Variants in CDYL2 observed in about 807,000 individuals in gnomAD.
CDYL2 encodes the protein chromodomain Y like 2, also known as chromodomain Y-like protein 2.
CDYL2 carries 23 observed loss-of-function variants against 49.4 expected under a neutral mutation model. The ratio of observed to expected loss-of-function variants is 0.47; its 90% confidence interval spans 0.34 to 0.66. The LOEUF (loss-of-function observed/expected upper bound fraction) is 0.66. CDYL2 is among the 30% of genes least tolerant of loss of function. CDYL2 has a pLI of 0.01. For synonymous variants in CDYL2, 360 were observed against 268.8 expected, an observed-to-expected ratio of 1.34 and a Z score of -3.32; for missense variants, 678 against 656.4, an observed-to-expected ratio of 1.03 and a Z score of -0.36.
At chr16:80,614,004 A>G (rs761805809) in intron 4 of CDYL2, among the ~76,000 whole-genome samples, 4 of 151,820 alleles carry the variant, frequency 2.6e-5, no homozygotes, top group Non-Finnish European at 4.4e-5. Context: ...AGAATTTGCA[A>G]TCACCCTAAC....
At chr16:80,697,966 C>T (rs1192302613) in intron 1 of CDYL2, among the ~76,000 whole-genome samples, 1 of 152,060 alleles carries the variant, frequency 6.6e-6, no homozygotes, top group Non-Finnish European at 1.5e-5. Flanking sequence ...AATGGCCATA[C>T]TAGCCGAAAT....
At position 80,804,373 on chromosome 16, in the gene CDYL2, GGGC is replaced by G; in HGVS notation, c.-203_-201del. The G allele has an allele frequency of 4.5e-6, 1 of 222,288 alleles. No homozygotes were observed. The allele number at this position is 222,288 out of a possible 1,614,324, so 13.8% of individuals were successfully genotyped here. On this transcript the variant is annotated 5_prime_UTR_variant, in exon 1 of 7. Coordinates refer to ENST00000570137, the MANE Select transcript of CDYL2 (RefSeq NM_152342.4). The stretch of plus-strand genomic sequence containing the variant: ...CGCAGAATCAGAGCGGGCGGCGGCG[GGGC>G]TGGCGTAACCGGCAGCAGCGGCGGC...
rs182180603 is a variant in CDYL2, at chr16:80,707,020, G to A, written c.25-21891C>T. On this transcript the variant is annotated intron_variant, in intron 1 of 6. Coordinates refer to ENST00000570137, the MANE Select transcript of CDYL2 (RefSeq NM_152342.4). ...GCCGTACAGATTGATGAAGGCATCA[G>A]AGGATGTCGCCTCAGAGCATGGGGG... Among the ~76,000 whole-genome samples the A allele has an allele frequency of 5.3e-5, 8 of 152,348 alleles. No homozygotes were observed. In the East Asian group the frequency reaches 1.5e-3, roughly 29 times the overall value.
At chr16:80,630,790 G>C (rs1907526446) in intron 3 of CDYL2, among the ~76,000 whole-genome samples, 1 of 152,058 alleles carries the variant, frequency 6.6e-6, no homozygotes, top group African/African-American at 2.4e-5. Context: ...CCCCGTAAAA[G>C]AACCAGGGTC....
intron 1 of CDYL2, among the ~76,000 whole-genome samples, chr16:80,724,291 A>C (rs921859001): frequency 6.6e-6 from 1 of 151,064 alleles, no homozygotes; most frequent in Non-Finnish European, 1.5e-5. Flanking sequence ...GGAAGAGGAA[A>C]GAAAGGAGAA....
chr16:80,625,590 T>C (rs1055832486), intron 3 of CDYL2, among the ~76,000 whole-genome samples: 2 of 152,178 alleles, frequency 1.3e-5, no homozygotes, highest in Non-Finnish European at 2.9e-5. Flanking sequence ...ACTTGAATAC[T>C]AAAATTTAAG....
In CDYL2 at chr16:80,645,378, GA is replaced by G. The variant is rs1259936388; in HGVS notation, c.617-12143del. 2.0e-5 allele frequency among the ~76,000 whole-genome samples: 3 copies of G among 152,266 alleles called. No individual in the cohort carries two copies. In the East Asian group the frequency reaches 5.8e-4, roughly 29 times the overall value. ...ACATTTATGCAGCCAAAAGACATAT[GA>G]AAAAATGCTCATCATCACTGGCCAT... On this transcript the variant is annotated intron_variant, in intron 2 of 6. Coordinates refer to ENST00000570137, the MANE Select transcript of CDYL2 (RefSeq NM_152342.4).
intron 2 of CDYL2, among the ~76,000 whole-genome samples, chr16:80,665,236 G>A (rs773803684): frequency 1.3e-5 from 2 of 151,996 alleles, no homozygotes; most frequent in Non-Finnish European, 2.9e-5. Context: ...CAAGCTCCAT[G>A]CATCCTTCAG....
intron 2 of CDYL2, among the ~76,000 whole-genome samples, chr16:80,668,326 G>C (rs1208143233): frequency 6.6e-6 from 1 of 152,052 alleles, no homozygotes; most frequent in Non-Finnish European, 1.5e-5. Context: ...ATAAATAATG[G>C]ATAAATGAAT....
chr16:80,637,717 T>C (rs1907902741), intron 2 of CDYL2, among the ~76,000 whole-genome samples: 1 of 152,122 alleles, frequency 6.6e-6, no homozygotes, highest in Non-Finnish European at 1.5e-5. Context: ...TTAACAATAA[T>C]TTATTGTATA....
intron 1 of CDYL2, among the ~76,000 whole-genome samples, chr16:80,789,341 G>T (rs1401299880): frequency 2.0e-5 from 3 of 152,140 alleles, no homozygotes; most frequent in Non-Finnish European, 4.4e-5. Context: ...GGTGGCTCAC[G>T]CCTGTAATCC....
At position 80,684,841 on chromosome 16, in the gene CDYL2, T is replaced by C. The variant is rs1230699147; in HGVS notation, c.313A>G (p.Lys105Glu). 1 of 1,614,174 alleles carries C rather than the reference T, an allele frequency of 6.2e-7. No homozygotes were observed. The highest frequency in any genetic ancestry group is 1.1e-5 in the South Asian group (1 of 91,076). ...AGGGGAGGGTTAATTCGCTTCCGTT[T>C]ATGGGAGGTCCCCTTGCTCTTTCCA... ...DPGKSKGTSH[K>E]RKRINPPLAK... Residue 105 changes from lysine to glutamate, a missense_variant, in exon 2 of 7, where the codon AAA becomes GAA. Transcript: ENST00000570137.
In CDYL2 at chr16:80,684,775, C is replaced by T. The variant is rs1027674208; in HGVS notation, c.379G>A (p.Gly127Arg). 6.2e-7 allele frequency: 1 copy of T among 1,614,236 alleles called. No individual in the cohort carries two copies. Among genetic ancestry groups the T allele is most frequent in the Non-Finnish European group, 8.5e-7 (1 of 1,180,040 alleles). Residue 127 changes from glycine to arginine, a missense_variant, in exon 2 of 7, where the codon GGA becomes AGA. This residue lies in a region of CDYL2 where 478 missense variants were observed against 427.0 expected (regional missense o/e 1.12). Transcript: ENST00000570137. The part of the protein sequence containing the change: ...KKGYSGKPSS[G>R]GDRATKTVSY... ...ACCGTCTTGGTGGCCCTGTCACCTC[C>T]TGAAGAGGGCTTGCCTGAATACCCT...
At chr16:80,689,255 C>T (rs561797903) in intron 1 of CDYL2, among the ~76,000 whole-genome samples, 1 of 152,304 alleles carries the variant, frequency 6.6e-6, no homozygotes, top group Admixed American at 6.5e-5. Context: ...TTGCAGGTGG[C>T]AGGCAGGGAA....
At chr16:80,610,379 T>C (rs1906541815) in intron 5 of CDYL2, among the ~76,000 whole-genome samples, 1 of 152,188 alleles carries the variant, frequency 6.6e-6, no homozygotes, top group Admixed American at 6.5e-5. Flanking sequence ...AAGGTGGGTG[T>C]TGACCTTCCG....
chr16:80,705,760 C>G (rs985591753), intron 1 of CDYL2, among the ~76,000 whole-genome samples: 1 of 152,256 alleles, frequency 6.6e-6, no homozygotes, highest in Non-Finnish European at 1.5e-5. Context: ...CAGCCACAGA[C>G]AATACATAAA....
At chr16:80,723,916 G>A (rs900298431) in intron 1 of CDYL2, among the ~76,000 whole-genome samples, 3 of 150,108 alleles carry the variant, frequency 2.0e-5, no homozygotes, top group Non-Finnish European at 3.0e-5. Context: ...GGGGGAAGGA[G>A]GAGAAGGAGT....
intron 2 of CDYL2, among the ~76,000 whole-genome samples, chr16:80,680,156 A>C (rs1426088320): frequency 1.3e-5 from 2 of 152,234 alleles, no homozygotes; most frequent in African/African-American, 4.8e-5. Context: ...ATTTTAAAAG[A>C]TCAATGGAGA....
intron 2 of CDYL2, among the ~76,000 whole-genome samples, chr16:80,671,556 A>G (rs564570015): frequency 6.6e-6 from 1 of 152,306 alleles, no homozygotes; most frequent in Admixed American, 6.5e-5. Context: ...CTCCTTTGCC[A>G]TACCATACCT....
Sources: allele counts gnomAD v4.1 joint callset (sites outside exome capture counted in the v4.1 genomes callset), GRCh38; gene constraint gnomAD v4.1.1; regional missense constraint gnomAD v4.1.1; transcripts MANE v1.5; gene names NCBI Gene and HGNC (gene_info 2026-07-23, HGNC 2026-07-21).